USP9Y: variants seen among roughly 807,000 people sequenced by gnomAD.
USP9Y encodes the protein ubiquitin specific peptidase 9 Y-linked.
In USP9Y, 41 loss-of-function variants were observed where a neutral mutation model predicts 53.1. The ratio of observed to expected loss-of-function variants is 0.77; its 90% CI spans 0.60 to 1.00. USP9Y has a LOEUF of 1.00. Ranked by LOEUF, USP9Y falls within the 50% of genes least tolerant of loss-of-function variation. USP9Y has a pLI of 0.00. For missense variants in USP9Y, 567 were observed against 535.8 expected (o/e 1.06, Z -0.58); for synonymous variants, 220 against 173.7 (o/e 1.27, Z -2.09).
chrY:12,821,928 T>A, intron 33 of USP9Y, among the ~76,000 whole-genome samples: 1 of 34,161 alleles, frequency 2.9e-5, no homozygotes, highest in Non-Finnish European at 7.3e-5. Flanking sequence ...GACCTTGGCC[T>A]CCCAAAGTGC....
At chrY:12,711,850 C>A (rs2053425218) in intron 3 of USP9Y, among the ~76,000 whole-genome samples, 1 of 32,753 alleles carries the variant, frequency 3.1e-5, no homozygotes, top group Non-Finnish European at 7.5e-5. Context: ...TGTTCTCGAA[C>A]TCCTGACCCT....
chrY:12,764,406 A>G, intron 15 of USP9Y, among the ~76,000 whole-genome samples: 1 of 33,715 alleles, frequency 3.0e-5, no homozygotes, highest in Non-Finnish European at 7.4e-5. Flanking sequence ...GTGTCAAAGT[A>G]TCCTCCCAGA....
Position 12,773,729 on chromosome Y carries a change from T to G in USP9Y, c.2135T>G (p.Leu712Trp). 2.5e-6 allele frequency: 1 copy of G among 398,681 alleles called. No individual in the cohort carries two copies. Among genetic ancestry groups the G allele is most frequent in the South Asian group, 3.0e-5 (1 of 33,776 alleles). Residue 712 changes from leucine (L) to tryptophan (W), a missense_variant, in exon 17 of 46, where the codon TTG (leucine) becomes TGG (tryptophan). Leu to Trp is a moderately conservative substitution (Grantham distance 61). Transcript: ENST00000338981. ...AAGTTAATGGGGGATGAACCAGACT[T>G]GGATCCTGATATTAATAAGGACTTC... is the stretch of plus-strand genomic sequence containing the variant. ...YSKLMGDEPD[L>W]DPDINKDFFE...
chrY:12,758,575 G>T lies in USP9Y; in HGVS notation c.1699G>T (p.Val567Leu), dbSNP rs561380327. 42 of 383,437 alleles carry T rather than the reference G, an allele frequency of 1.1e-4. No individual in the cohort carries two copies. Among genetic ancestry groups the T allele is most frequent in the Non-Finnish European group, 1.5e-4 (42 of 273,637 alleles). ...IEELRTNDKW[V>L]IPALKQIREI... ...AGAACTTCGCACAAATGACAAGTGG[G>T]TAATTCCTGCTCTGAAACAAATAAG... The change falls in exon 14 of 46, where the codon GTA becomes TTA. Residue 567 changes from valine to leucine, a missense_variant. Transcript: ENST00000338981.
At chrY:12,811,574 C>T in intron 29 of USP9Y, 61 bp from the exon 30 acceptor site, 1 of 372,660 alleles carries the variant, frequency 2.7e-6, no homozygotes, top group African/African-American at 6.6e-5. Flanking sequence ...GTTCTCCTAA[C>T]TCCTTGTCCT....
intron 12 of USP9Y, among the ~76,000 whole-genome samples, chrY:12,751,252 C>T (rs2053464070): frequency 3.1e-5 from 1 of 32,471 alleles, no homozygotes; most frequent in Non-Finnish European, 7.5e-5. Flanking sequence ...CCTCGTGATC[C>T]GCCAGCCTCA....
Position 12,811,781 on chromosome Y carries a change from A to G in USP9Y, c.4386A>G (p.Lys1462=), listed in dbSNP as rs746217498. The G allele has an allele frequency of 2.5e-6, 1 of 394,618 alleles. No individual in the cohort carries two copies. Among genetic ancestry groups the G allele is most frequent in the South Asian group, 3.0e-5 (1 of 33,525 alleles). Residue 1462 remains lysine (K), a splice_region_variant and synonymous_variant, in exon 30 of 46, where the codon AAA becomes AAG. Coordinates refer to ENST00000338981, the MANE Select transcript of USP9Y (RefSeq NM_004654.4). ...GCEKGGANLI[K]ELIDDFIFPA... ...AAAAAGGAGGTGCTAATCTCATTAA[A>G]GTAAGTACTTTTTTTTTTCTTTTTT...
intron 7 of USP9Y, among the ~76,000 whole-genome samples, chrY:12,733,039 G>A: frequency 3.3e-5 from 1 of 30,106 alleles, no homozygotes; most frequent in Non-Finnish European, 7.9e-5. Flanking sequence ...GCTCCCCCTG[G>A]CCCCGAGTAG....
chrY:12,811,668 G>A lies in USP9Y; in HGVS notation c.4273G>A (p.Glu1425Lys). The A allele has an allele frequency of 7.5e-6, 3 of 397,941 alleles. No homozygotes were observed. The highest frequency in any genetic ancestry group is 1.1e-5 in the Non-Finnish European group (3 of 282,776). ...TAAAAACACAGGTGAAACAGGTGTC[G>A]AAGAGCCAATACTGGAAGGCCACCT... is the stretch of plus-strand genomic sequence containing the variant. ...NVKNTGETGV[E>K]EPILEGHLGV... The change falls in exon 30 of 46, where the codon GAA (glutamate) becomes AAA (lysine). Residue 1425 changes from glutamate to lysine, a missense_variant. Transcript: ENST00000338981.
chrY:12,847,512 G>A, intron 42 of USP9Y, among the ~76,000 whole-genome samples, 185 bp downstream of exon 42: 1 of 31,215 alleles, frequency 3.2e-5, no homozygotes, highest in Non-Finnish European at 7.7e-5. Flanking sequence ...TCAGTTCTAG[G>A]GTACATCTGC....
chrY:12,704,719 T>C (rs2053418371), intron 1 of USP9Y, among the ~76,000 whole-genome samples: 1 of 33,799 alleles, frequency 3.0e-5, no homozygotes, highest in Non-Finnish European at 7.4e-5. Flanking sequence ...CTAGTCTTGG[T>C]ACATTGTGTG....
At chrY:12,829,999 T>G in intron 33 of USP9Y, among the ~76,000 whole-genome samples, 1 of 33,247 alleles carries the variant, frequency 3.0e-5, no homozygotes, top group Non-Finnish European at 7.4e-5. Flanking sequence ...GCAGGCTGAC[T>G]CCTGGATATT....
At chrY:12,714,750 G>A in intron 3 of USP9Y, among the ~76,000 whole-genome samples, 2 of 30,704 alleles carry the variant, frequency 6.5e-5, no homozygotes, top group Non-Finnish European at 1.5e-4. Context: ...CACTGCGTCC[G>A]GCCTCCATCT....
chrY:12,734,250 G>A, intron 7 of USP9Y, among the ~76,000 whole-genome samples: 1 of 33,658 alleles, frequency 3.0e-5, no homozygotes. Flanking sequence ...TAATCCCACA[G>A]GCAGCCTGCA....
rs2053501241 is a variant in USP9Y at position 12,786,103 on chromosome Y, TTTTA to T, written c.3152-91_3152-88del. 71 of 281,538 alleles carry T rather than the reference TTTTA, an allele frequency of 2.5e-4. No homozygotes were observed. The African/African-American group carries it at 5.0e-3, about 20-fold the overall frequency. 70.2% of individuals were successfully genotyped at this position (281,538 alleles called of 400,897 possible). A position where few individuals can be genotyped will look rare whatever the true frequency, so the allele number is the denominator to read the frequency against. On this transcript the variant is annotated intron_variant, in intron 22 of 45. Coordinates refer to ENST00000338981, the MANE Select transcript of USP9Y (RefSeq NM_004654.4). The stretch of plus-strand genomic sequence containing the variant: ...GCTTAATGAGATTTGTGGATATAAT[TTTTA>T]TTTATTTAAGATAATACTCTTCAAA...
At chrY:12,780,898 G>T in intron 22 of USP9Y, among the ~76,000 whole-genome samples, 1 of 33,062 alleles carries the variant, frequency 3.0e-5, no homozygotes, top group African/African-American at 1.2e-4. Flanking sequence ...ATCTGATTTT[G>T]AACTTACTGT....
intron 22 of USP9Y, among the ~76,000 whole-genome samples, chrY:12,780,987 A>T (rs890694232): frequency 6.0e-5 from 2 of 33,150 alleles, no homozygotes; most frequent in African/African-American, 1.2e-4. Flanking sequence ...TTACCTGATC[A>T]CTGATTTCTT....
intron 33 of USP9Y, among the ~76,000 whole-genome samples, chrY:12,822,107 A>G: frequency 3.0e-5 from 1 of 33,723 alleles, no homozygotes; most frequent in Non-Finnish European, 7.3e-5. Context: ...TTTGATTTGC[A>G]TTTCCCTAAT....
chrY:12,842,062 CTG>C (rs2053561654), intron 37 of USP9Y, among the ~76,000 whole-genome samples, 176 bp from the exon 38 acceptor site: 1 of 32,453 alleles, frequency 3.1e-5, no homozygotes, highest in East Asian at 8.2e-4. Flanking sequence ...TTTTTTGACT[CTG>C]TGGGACTAAA....
Sources: gnomAD v4.1 joint callset for allele counts (sites outside exome capture counted in the v4.1 genomes callset) on GRCh38, gnomAD v4.1.1 for gene constraint, MANE v1.5 for transcripts, NCBI Gene and HGNC (gene_info 2026-07-23, HGNC 2026-07-21) for gene names.